The following FHIT variants were observed in gnomAD, a reference collection of about 807,000 sequenced individuals.
FHIT encodes the protein bis(5'-adenosyl)-triphosphatase.
A neutral mutation model predicts 17.9 loss-of-function variants in FHIT; 19 were observed. The ratio of observed to expected loss-of-function variants is 1.06; its 90% confidence interval spans 0.74 to 1.56. The LOEUF (loss-of-function observed/expected upper bound fraction) is 1.56, where lower values mean the gene tolerates loss of function less well. FHIT is among the 40% of genes most tolerant of loss of function. The pLI, the probability that FHIT is intolerant of heterozygous loss-of-function variation, is 0.00. For synonymous variants in FHIT, 81 were observed against 69.7 expected (o/e 1.16, Z -0.81); for missense variants, 248 against 189.2 (o/e 1.31, Z -1.82).
At chr3:61,095,260 T>A (rs540820577) in intron 2 of FHIT, among the ~76,000 whole-genome samples, 3 of 152,334 alleles carry the variant, frequency 2.0e-5, no homozygotes, top group Admixed American at 2.0e-4. Flanking sequence ...TAGCTGTGAA[T>A]CTGGTCACAA....
chr3:61,005,732 G>C (rs1016003762), intron 3 of FHIT, among the ~76,000 whole-genome samples: 1 of 152,122 alleles, frequency 6.6e-6, no homozygotes, highest in African/African-American at 2.4e-5. Flanking sequence ...AATTATATAT[G>C]TGGTGCCTAG....
chr3:59,792,228 C>T (rs747779636), intron 8 of FHIT, among the ~76,000 whole-genome samples: 21 of 152,072 alleles, frequency 1.4e-4, no homozygotes, highest in Admixed American at 3.9e-4. Flanking sequence ...TATATTAAAC[C>T]GTCTCCATTT....
chr3:61,159,765 A>G (rs893222792), intron 2 of FHIT, among the ~76,000 whole-genome samples: 1 of 152,200 alleles, frequency 6.6e-6, no homozygotes. Flanking sequence ...TAGGATACCA[A>G]CTTAAGTCAA....
At chr3:60,579,248 G>A (rs75228024) in intron 4 of FHIT, among the ~76,000 whole-genome samples, 2,172 of 152,218 alleles carry the variant, frequency 0.014, 53 homozygotes, top group African/African-American at 0.048. Flanking sequence ...TATGCTATAT[G>A]CTGTAACCTA....
At chr3:60,995,717 C>T (rs1281898624) in intron 3 of FHIT, among the ~76,000 whole-genome samples, 2 of 152,152 alleles carry the variant, frequency 1.3e-5, no homozygotes, top group African/African-American at 4.8e-5. Context: ...TGTCTGTTTC[C>T]ATTTCAGGCA....
chr3:60,240,576 T>A (rs1032511185), intron 5 of FHIT, among the ~76,000 whole-genome samples: 3 of 152,124 alleles, frequency 2.0e-5, no homozygotes, highest in African/African-American at 7.2e-5. Flanking sequence ...TAAAAAGCAC[T>A]TTGCCTTGGT....
At chr3:60,395,280 A>C (rs1157126541) in intron 5 of FHIT, among the ~76,000 whole-genome samples, 1 of 152,140 alleles carries the variant, frequency 6.6e-6, no homozygotes, top group South Asian at 2.1e-4. Context: ...GACACTTTCT[A>C]TGTTCTAGGA....
At chr3:60,102,900 A>C (rs2107146866) in intron 5 of FHIT, among the ~76,000 whole-genome samples, 1 of 152,356 alleles carries the variant, frequency 6.6e-6, no homozygotes, top group East Asian at 1.9e-4. Context: ...GATTTGGTGC[A>C]TTTAACCAGT....
At chr3:60,104,715 CTCTTT>C (rs1425015078) in intron 5 of FHIT, among the ~76,000 whole-genome samples, 6 of 152,032 alleles carry the variant, frequency 3.9e-5, no homozygotes, top group African/African-American at 7.2e-5. Context: ...TTTTAGACTT[CTCTTT>C]AAGACAGATA....
rs566532959 is a variant in FHIT at position 61,011,289 on chromosome 3, T to C, written c.-111+30758A>G. 3.3e-5 allele frequency among the ~76,000 whole-genome samples: 5 copies of C among 152,292 alleles called. No individual in the cohort carries two copies. The East Asian group carries it at 9.6e-4, about 29-fold the overall frequency. ...TGTAGAAACGTAGGTGCAAAAGACA[T>C]AGATTCCAAAGATTTACCACTTTCA... On this transcript the variant is annotated intron_variant, in intron 3 of 9. Coordinates refer to ENST00000492590, the MANE Select transcript of FHIT (RefSeq NM_002012.4).
At chr3:60,482,327 C>T (rs404404) in intron 5 of FHIT, among the ~76,000 whole-genome samples, 27,596 of 151,950 alleles carry the variant, frequency 0.18, 4,217 homozygotes, top group African/African-American at 0.41. Flanking sequence ...CTGGATCAAG[C>T]GGACCTAATA....
intron 8 of FHIT, among the ~76,000 whole-genome samples, chr3:59,809,830 ATTGTTCCTCCT>A (rs1317268614): frequency 2.6e-5 from 4 of 152,074 alleles, no homozygotes; most frequent in African/African-American, 9.7e-5. Flanking sequence ...CTTCCCTCAC[ATTGTTCCTCCT>A]TTGTTCCCCG....
At chr3:60,190,523 C>A (rs892742726) in intron 5 of FHIT, among the ~76,000 whole-genome samples, 2 of 151,916 alleles carry the variant, frequency 1.3e-5, no homozygotes, top group Non-Finnish European at 2.9e-5. Flanking sequence ...CCAAAGCAGG[C>A]AGATCACCTG....
At chr3:59,841,656 C>A (rs1008918032) in intron 8 of FHIT, among the ~76,000 whole-genome samples, 56 of 152,228 alleles carry the variant, frequency 3.7e-4, no homozygotes, top group African/African-American at 1.3e-3. Context: ...CTCCAGAGTC[C>A]ATCTCAGCAC....
intron 5 of FHIT, among the ~76,000 whole-genome samples, chr3:60,106,951 C>A (rs1014134189): frequency 6.6e-6 from 1 of 151,898 alleles, no homozygotes; most frequent in Non-Finnish European, 1.5e-5. Flanking sequence ...GGAAACGAAA[C>A]TTTTTTATTG....
At chr3:60,069,185 C>G (rs764946315) in intron 5 of FHIT, among the ~76,000 whole-genome samples, 2 of 152,152 alleles carry the variant, frequency 1.3e-5, no homozygotes, top group Non-Finnish European at 2.9e-5. Context: ...CACCAGTCAT[C>G]TGACAGTAAT....
intron 7 of FHIT, among the ~76,000 whole-genome samples, chr3:59,984,272 G>A (rs1301203523): frequency 6.6e-6 from 1 of 152,062 alleles, no homozygotes; most frequent in African/African-American, 2.4e-5. Context: ...GATTATTTGA[G>A]AGATGGGCCC....
At chr3:59,804,358 G>A (rs1206122982) in intron 8 of FHIT, among the ~76,000 whole-genome samples, 1 of 152,202 alleles carries the variant, frequency 6.6e-6, no homozygotes, top group Non-Finnish European at 1.5e-5. Flanking sequence ...TATCCCATAA[G>A]GCTAGGTTTT....
chr3:60,578,440 AACACACACACACACACAC>A (rs71748891), intron 4 of FHIT, among the ~76,000 whole-genome samples: 3 of 144,296 alleles, frequency 2.1e-5, no homozygotes, highest in Non-Finnish European at 4.5e-5. Context: ...CCATCTACAA[AACACACACACACACACAC>A]ACACACACAC....
Sources: gnomAD v4.1 joint callset for allele counts (sites outside exome capture counted in the v4.1 genomes callset) on GRCh38, gnomAD v4.1.1 for gene constraint, MANE v1.5 for transcripts, NCBI Gene and HGNC (gene_info 2026-07-23, HGNC 2026-07-21) for gene names.